PAX9: variants seen among roughly 807,000 people sequenced by gnomAD.
The protein encoded by PAX9 is paired box 9.
In PAX9, 6 loss-of-function variants were observed where a neutral mutation model predicts 29.1. The ratio of observed to expected loss-of-function variants is 0.21; its 90% confidence interval spans 0.11 to 0.41. PAX9 has a LOEUF of 0.41. Ranked by LOEUF, PAX9 falls within the 10% of genes least tolerant of loss-of-function variation. The pLI, the probability that PAX9 is intolerant of heterozygous loss-of-function variation, is 1.00. For missense variants in PAX9, 443 were observed against 479.1 expected, an observed-to-expected ratio of 0.92 and a Z score of 0.70; for synonymous variants, 217 against 211.7, an observed-to-expected ratio of 1.03 and a Z score of -0.22.
intron 3 of PAX9, among the ~76,000 whole-genome samples, chr14:36,674,713 G>C (rs997140959): frequency 1.3e-5 from 2 of 152,022 alleles, no homozygotes; most frequent in Admixed American, 1.3e-4. Flanking sequence ...CTGGGACATA[G>C]GACACACTTA....
At chr14:36,676,134 A>G (rs747312466) in intron 3 of PAX9, 64 bp from the exon 4 acceptor site, 2 of 1,560,840 alleles carry the variant, frequency 1.3e-6, no homozygotes, top group South Asian at 2.2e-5. Context: ...CTTCTTTCTA[A>G]GAACGTGTGA....
chr14:36,664,536 G>A (rs1434881457), intron 2 of PAX9, among the ~76,000 whole-genome samples: 1 of 150,150 alleles, frequency 6.7e-6, no homozygotes, highest in African/African-American at 2.5e-5. Context: ...TCCGGCTTCC[G>A]CAGGAGACCT....
chr14:36,661,792 G>A, upstream of PAX9: 1 of 515,086 alleles, frequency 1.9e-6, no homozygotes, highest in Non-Finnish European at 3.4e-6. Context: ...CATGCAGCTT[G>A]CCCTCGGACC....
chr14:36,670,249 G>C (rs146908586), intron 3 of PAX9, among the ~76,000 whole-genome samples: 312 of 151,962 alleles, frequency 2.1e-3, no homozygotes, highest in African/African-American at 7.2e-3. Context: ...CTTCATTTTG[G>C]GGTTGCAGAT....
chr14:36,662,056 G>T lies in PAX9; in HGVS notation c.-34G>T. The T allele has an allele frequency of 6.4e-7, 1 of 1,558,338 alleles. No individual in the cohort carries two copies. The highest frequency in any genetic ancestry group is 8.7e-7 in the Non-Finnish European group (1 of 1,151,810). ...CGGAAAGTTTCTGTCTGGGAGTGCGGAACTGGGGCCGGGTTGGTGTACTGC... is the reference window on the plus strand; with the variant it reads ...CGGAAAGTTTCTGTCTGGGAGTGCGTAACTGGGGCCGGGTTGGTGTACTGC... On this transcript the variant is annotated 5_prime_UTR_variant, in exon 1 of 4. Coordinates refer to ENST00000361487, the MANE Select transcript of PAX9 (RefSeq NM_001372076.1).
At position 36,663,362 on chromosome 14, in the gene PAX9, A is replaced by ACCACATCTACTCGTACCCCAG. The variant is rs761306736; in HGVS notation, c.473_493dup (p.His158_Ser164dup). Reference sequence around the variant, plus strand: ...ACGCCGCAGCCAGCGCTGCCCTACAACCACATCTACTCGTACCCCAGCCCT... The same window carrying ACCACATCTACTCGTACCCCAG: ...ACGCCGCAGCCAGCGCTGCCCTACAACCACATCTACTCGTACCCCAGCCACATCTACTCGTACCCCAGCCCT... On this transcript the variant is annotated inframe_insertion, in exon 2 of 4. Transcript: ENST00000361487. 6.2e-7 allele frequency: 1 copy of ACCACATCTACTCGTACCCCAG among 1,613,912 alleles called. No individual in the cohort carries two copies. The highest frequency in any genetic ancestry group is 1.3e-5 in the African/African-American group (1 of 75,022).
upstream of PAX9, among the ~76,000 whole-genome samples, chr14:36,659,693 A>G (rs1224702432): frequency 6.6e-6 from 1 of 152,086 alleles, no homozygotes; most frequent in Non-Finnish European, 1.5e-5. Context: ...AGCTGAGGCC[A>G]CATGGTCACA....
chr14:36,665,225 G>A (rs1001702044), intron 2 of PAX9, among the ~76,000 whole-genome samples: 17 of 150,662 alleles, frequency 1.1e-4, no homozygotes, highest in African/African-American at 3.9e-4. Context: ...TTCCTGCCTA[G>A]GGATCCTACC....
chr14:36,666,850 G>T (rs1881518974), intron 3 of PAX9, among the ~76,000 whole-genome samples: 1 of 152,204 alleles, frequency 6.6e-6, no homozygotes, highest in Admixed American at 6.5e-5. Flanking sequence ...GTCTGGGGCG[G>T]CAGCTCCCCG....
intron 3 of PAX9, 126 bp downstream of exon 3, chr14:36,666,727 C>A: frequency 7.9e-7 from 1 of 1,262,900 alleles, no homozygotes; most frequent in African/African-American, 1.5e-5. Flanking sequence ...CCCTTTGCTG[C>A]TACGAGCCAG....
chr14:36,659,518 C>T (rs1594463961), upstream of PAX9, among the ~76,000 whole-genome samples: 1 of 152,168 alleles, frequency 6.6e-6, no homozygotes, highest in African/African-American at 2.4e-5. Flanking sequence ...TACTTAGTGG[C>T]CCAAAACACC....
At chr14:36,672,950 C>G (rs1213581648) in intron 3 of PAX9, among the ~76,000 whole-genome samples, 4 of 139,966 alleles carry the variant, frequency 2.9e-5, no homozygotes, top group African/African-American at 1.1e-4. Flanking sequence ...ACTGCAACTT[C>G]CGACTCCCGG....
intron 2 of PAX9, among the ~76,000 whole-genome samples, chr14:36,665,088 G>T (rs1204750043): frequency 1.4e-5 from 2 of 145,974 alleles, no homozygotes; most frequent in Non-Finnish European, 3.0e-5. Context: ...CAGACAGGCA[G>T]TTCTGGACCA....
chr14:36,662,961 C>T lies in PAX9; in HGVS notation c.69C>T (p.Asn23=), dbSNP rs1302711614. Residue 23 remains asparagine (N), a synonymous_variant, in exon 2 of 4, where the codon AAC becomes AAT. Transcript: ENST00000361487. Reference sequence around the variant, plus strand: ...TCGTGAACGGGAGGCCGCTGCCCAACGCCATCCGGCTTCGCATCGTGGAAC... The same window carrying T: ...TCGTGAACGGGAGGCCGCTGCCCAATGCCATCCGGCTTCGCATCGTGGAAC... ...GVFVNGRPLP[N]AIRLRIVELA... is the part of the protein sequence containing the mutation. 6.2e-7 allele frequency: 1 copy of T among 1,613,430 alleles called. No homozygotes were observed. The highest frequency in any genetic ancestry group is 1.7e-5 in the Admixed American group (1 of 60,032).
rs757793566 is a variant in PAX9 at position 36,663,249 on chromosome 14, C to T, written c.357C>T (p.Ser119=). The change falls in exon 2 of 4, where the codon TCC becomes TCT. Residue 119 remains serine, a synonymous_variant. Transcript: ENST00000361487. ...TGTGCGACAAGTACAATGTGCCCTC[C>T]GTGAGCTCCATCAGCCGCATTCTGC... The part of the protein sequence containing the change: ...DGVCDKYNVP[S]VSSISRILRN... The T allele has an allele frequency of 2.5e-6, 4 of 1,614,024 alleles. No individual in the cohort carries two copies. The highest frequency in any genetic ancestry group is 2.7e-5 in the African/African-American group (2 of 74,942).
chr14:36,660,243 G>A (rs1881206556), upstream of PAX9, among the ~76,000 whole-genome samples: 2 of 152,106 alleles, frequency 1.3e-5, no homozygotes, highest in Non-Finnish European at 2.9e-5. Context: ...AATGCCAGGC[G>A]GTGCCACACG....
At position 36,679,231 on chromosome 14, in the gene PAX9, G is replaced by C; in HGVS notation, c.*2779G>C. 2.0e-6 allele frequency: 2 copies of C among 984,118 alleles called. No homozygotes were observed. The highest frequency in any genetic ancestry group is 2.4e-6 in the Non-Finnish European group (2 of 828,918). 61.0% of individuals were successfully genotyped at this position (984,118 alleles called of 1,614,324 possible). A position where few individuals can be genotyped will look rare whatever the true frequency, so the allele number is the denominator to read the frequency against. On this transcript the variant is annotated 3_prime_UTR_variant, in exon 4 of 4. Coordinates refer to ENST00000361487, the MANE Select transcript of PAX9 (RefSeq NM_001372076.1). ...TTAATGACCCTTTTATTGAATATTG[G>C]ACTGAAATATAAATTTTAAAAAACA...
chr14:36,666,745 G>A (rs1881510841), intron 3 of PAX9, 144 bp downstream of exon 3: 2 of 1,130,336 alleles, frequency 1.8e-6, no homozygotes, highest in Non-Finnish European at 2.6e-6. Context: ...CAGATCCTTC[G>A]TGGACTGGGG....
chr14:36,662,781 G>C (rs1881328322), intron 1 of PAX9, 116 bp from the exon 2 acceptor site: 6 of 1,272,602 alleles, frequency 4.7e-6, no homozygotes, highest in African/African-American at 1.5e-5. Flanking sequence ...AGCCCCAGTA[G>C]TTAGTAGGGG....
Sources: allele counts gnomAD v4.1 joint callset (sites outside exome capture counted in the v4.1 genomes callset), GRCh38; gene constraint gnomAD v4.1.1; transcripts MANE v1.5; gene names NCBI Gene and HGNC (gene_info 2026-07-23, HGNC 2026-07-21).